Variants in CNOT4 observed in about 807,000 individuals in gnomAD.
CNOT4 encodes the protein CCR4-NOT transcription complex subunit 4, also known as CCR4-associated factor 4.
A neutral mutation model predicts 73.8 loss-of-function variants in CNOT4; 8 were observed. The ratio of observed to expected loss-of-function variants is 0.11; its 90% CI spans 0.06 to 0.20. The LOEUF is 0.20. Among genes scored for constraint, CNOT4 ranks in the 10% least tolerant of loss-of-function variants. The pLI, the probability that CNOT4 is intolerant of heterozygous loss-of-function variation, is 1.00. For synonymous variants in CNOT4, 293 were observed against 321.1 expected, an observed-to-expected ratio of 0.91 and a Z score of 0.94; for missense variants, 564 against 883.4, an observed-to-expected ratio of 0.64 and a Z score of 4.58.
intron 1 of CNOT4, among the ~76,000 whole-genome samples, chr7:135,495,755 A>T (rs1585734258): frequency 7.3e-6 from 1 of 136,248 alleles, no homozygotes. Flanking sequence ...AGAAAGAAAG[A>T]AAGAAAGAAA....
At chr7:135,398,059 A>T in intron 8 of CNOT4, 110 bp downstream of exon 8, 1 of 693,350 alleles carries the variant, frequency 1.4e-6, no homozygotes. Flanking sequence ...GAGCATCAAA[A>T]GTGTTTTTAA....
intron 1 of CNOT4, among the ~76,000 whole-genome samples, chr7:135,453,048 T>C (rs886245858): frequency 1.3e-5 from 2 of 152,188 alleles, no homozygotes; most frequent in Non-Finnish European, 2.9e-5. Context: ...TGATAGGGTA[T>C]AACACCTTTG....
intron 8 of CNOT4, among the ~76,000 whole-genome samples, chr7:135,397,705 G>A (rs545155612): frequency 1.8e-4 from 28 of 151,892 alleles, no homozygotes; most frequent in Non-Finnish European, 3.2e-4. Flanking sequence ...ATTCAACTTT[G>A]AACAGTTTAT....
intron 1 of CNOT4, among the ~76,000 whole-genome samples, chr7:135,479,783 G>C (rs934862773): frequency 6.6e-6 from 1 of 151,950 alleles, no homozygotes; most frequent in African/African-American, 2.4e-5. Context: ...CCAGCTACTC[G>C]AGAGGCTGAG....
rs1803665618 is a variant in CNOT4, at chr7:135,497,482, C to T, written c.-93+12407G>A. On this transcript the variant is annotated intron_variant, in intron 1 of 11. Transcript: ENST00000541284. ...CAATTAAGTATTTATTGAGCATCTA[C>T]CATCAACCAGGTTCTGTTTGGGTTG... 2.0e-5 allele frequency among the ~76,000 whole-genome samples: 3 copies of T among 152,088 alleles called. No homozygotes were observed. In the South Asian group the frequency reaches 6.2e-4, roughly 32 times the overall value.
At chr7:135,370,167 A>G (rs1325274836) in intron 10 of CNOT4, among the ~76,000 whole-genome samples, 1 of 152,230 alleles carries the variant, frequency 6.6e-6, no homozygotes, top group Non-Finnish European at 1.5e-5. Flanking sequence ...GGTCACAGAC[A>G]AAATCTTAAG....
chr7:135,418,297 A>G (rs1405287701), intron 3 of CNOT4, among the ~76,000 whole-genome samples: 1 of 152,220 alleles, frequency 6.6e-6, no homozygotes, highest in Admixed American at 6.5e-5. Flanking sequence ...GAACTAACAA[A>G]GGTTATGGAG....
chr7:135,504,728 C>T (rs1585747893), intron 1 of CNOT4, among the ~76,000 whole-genome samples: 1 of 121,674 alleles, frequency 8.2e-6, no homozygotes, highest in Non-Finnish European at 1.7e-5. Flanking sequence ...TCTCGTGATC[C>T]GCCCGCCTCG....
intron 7 of CNOT4, among the ~76,000 whole-genome samples, chr7:135,403,185 T>C (rs1053813453): frequency 6.6e-6 from 1 of 152,210 alleles, no homozygotes; most frequent in Non-Finnish European, 1.5e-5. Context: ...TGTTACCATA[T>C]ATACAAATAC....
chr7:135,415,076 C>G, intron 4 of CNOT4, 100 bp downstream of exon 4: 1 of 746,028 alleles, frequency 1.3e-6, no homozygotes, highest in Non-Finnish European at 2.3e-6. Flanking sequence ...GTCCTTGTCC[C>G]TCAAGCTTTC....
At chr7:135,374,035 G>A (rs1242547778) in intron 10 of CNOT4, among the ~76,000 whole-genome samples, 1 of 152,208 alleles carries the variant, frequency 6.6e-6, no homozygotes, top group Non-Finnish European at 1.5e-5. Context: ...CTAGAACTCA[G>A]CTTGATTCCA....
At chr7:135,381,562 A>G (rs540069722) in intron 10 of CNOT4, among the ~76,000 whole-genome samples, 5 of 152,326 alleles carry the variant, frequency 3.3e-5, no homozygotes, top group African/African-American at 9.6e-5. Flanking sequence ...CTATGCAGAA[A>G]TACGGAATAT....
chr7:135,479,015 T>C (rs1327742293), intron 1 of CNOT4, among the ~76,000 whole-genome samples: 1 of 152,068 alleles, frequency 6.6e-6, no homozygotes, highest in East Asian at 1.9e-4. Flanking sequence ...ATTGGTAAAT[T>C]TGATGAGTCA....
At chr7:135,396,020 A>G in intron 8 of CNOT4, 137 bp from the exon 9 acceptor site, 1 of 608,486 alleles carries the variant, frequency 1.6e-6, no homozygotes, top group Non-Finnish European at 2.9e-6. Context: ...GAAAGCATGA[A>G]GTTTCAGAAA....
intron 4 of CNOT4, 40 bp from the exon 5 acceptor site, chr7:135,414,472 A>C (rs1797744325): frequency 1.1e-6 from 1 of 878,006 alleles, no homozygotes. Flanking sequence ...ATTAGTTAAA[A>C]ATTAAACAAT....
Position 135,453,848 on chromosome 7 carries a change from T to TATA in CNOT4, c.-92-15428_-92-15426dup, listed in dbSNP as rs1563059658. 8.2e-3 allele frequency among the ~76,000 whole-genome samples: 962 copies of TATA among 116,696 alleles called. 17 individuals are homozygous for TATA. Among genetic ancestry groups the TATA allele is most frequent in the African/African-American group, 0.023 (754 of 33,030 alleles). The allele number at this position is 116,696 out of a possible 152,430, so 76.6% of individuals were successfully genotyped here. On this transcript the variant is annotated intron_variant, in intron 1 of 11. Transcript: ENST00000541284. ...ATTTTATATATATATATATATATAT[T>TATA]ATATATATAGCTGGTACAGCAGCTC...
At chr7:135,485,663 A>G (rs1802670462) in intron 1 of CNOT4, among the ~76,000 whole-genome samples, 1 of 74,246 alleles carries the variant, frequency 1.3e-5, no homozygotes, top group Non-Finnish European at 2.6e-5. Context: ...AGCCTTTCCA[A>G]TAAATGGTGC....
intron 1 of CNOT4, among the ~76,000 whole-genome samples, chr7:135,461,771 G>A (rs1384161688): frequency 1.3e-5 from 2 of 152,114 alleles, no homozygotes; most frequent in Admixed American, 6.6e-5. Context: ...GGTGGAGGCT[G>A]CAGTAAGCCG....
At chr7:135,378,337 G>A (rs1363330204) in intron 10 of CNOT4, among the ~76,000 whole-genome samples, 2 of 151,422 alleles carry the variant, frequency 1.3e-5, no homozygotes, top group African/African-American at 4.9e-5. Flanking sequence ...AACCCTGTCT[G>A]TACTAAAAAT....
Sources: gnomAD v4.1 joint callset for allele counts (sites outside exome capture counted in the v4.1 genomes callset) on GRCh38, gnomAD v4.1.1 for gene constraint, MANE v1.5 for transcripts, NCBI Gene and HGNC (gene_info 2026-07-23, HGNC 2026-07-21) for gene names.